Variants in HOGA1 observed in about 807,000 individuals in gnomAD.
The protein encoded by HOGA1 is 4-hydroxy-2-oxoglutarate aldolase 1.
A neutral mutation model predicts 34.3 loss-of-function variants in HOGA1; 30 were observed. The ratio of observed to expected loss-of-function variants is 0.87; its 90% CI spans 0.65 to 1.19. The LOEUF is 1.19. Among genes scored for constraint, HOGA1 ranks in the 50% most tolerant of loss-of-function variants. The pLI is 0.00. For missense variants in HOGA1, 417 were observed against 436.5 expected, an observed-to-expected ratio of 0.96 and a Z score of 0.40; for synonymous variants, 161 against 174.0, an observed-to-expected ratio of 0.93 and a Z score of 0.59.
At chr10:97,598,929 G>T (rs74155508) in intron 2 of HOGA1, 26 bp downstream of exon 2, 1 of 1,612,912 alleles carries the variant, frequency 6.2e-7, no homozygotes. Flanking sequence ...CTGGGCCCTG[G>T]GGGTGGGTGG....
intron 5 of HOGA1, 61 bp downstream of exon 5, chr10:97,600,224 T>C: frequency 7.2e-7 from 1 of 1,397,220 alleles, no homozygotes; most frequent in Non-Finnish European, 1.0e-6. Flanking sequence ...GGTACCTGGG[T>C]CTTCCGGGAG....
intron 1 of HOGA1, among the ~76,000 whole-genome samples, chr10:97,591,678 G>A (rs1209000756): frequency 6.6e-6 from 1 of 151,912 alleles, no homozygotes; most frequent in Admixed American, 6.6e-5. Context: ...AGGCTGGAGT[G>A]CAGAGGCGTG....
At position 97,601,870 on chromosome 10, in the gene HOGA1, C is replaced by G; in HGVS notation, c.714C>G (p.Gly238=). ...MASYALGAVG[G]VCALANVLGA... Reference sequence around the variant, plus strand: ...TACTTCGTGCAGGAGCTGTGGGGGGCGTCTGCGCCCTGGCCAATGTCCTGG... The same window carrying G: ...TACTTCGTGCAGGAGCTGTGGGGGGGGTCTGCGCCCTGGCCAATGTCCTGG... Residue 238 remains glycine, a synonymous_variant, in exon 6 of 7, where the codon GGC becomes GGG. Transcript: ENST00000370646. The G allele has an allele frequency of 6.2e-7, 1 of 1,612,322 alleles. No homozygotes were observed. Among genetic ancestry groups the G allele is most frequent in the Non-Finnish European group, 8.5e-7 (1 of 1,179,994 alleles).
At position 97,600,069 on chromosome 10, in the gene HOGA1, G is replaced by T. The variant is rs1388047905; in HGVS notation, c.606G>T (p.Val202=). ...TCACACCACATTTGCTGTTGCAGGT[G>T]ACCAGGATTGGGCTGATTGTTCACA... ...IVGMKDSGGD[V]TRIGLIVHKT... The change falls in exon 5 of 7, where the codon GTG becomes GTT. Residue 202 remains valine, a splice_region_variant and synonymous_variant. Transcript: ENST00000370646. 1.9e-6 allele frequency: 3 copies of T among 1,613,948 alleles called. No individual in the cohort carries two copies. The highest frequency in any genetic ancestry group is 3.3e-5 in the Admixed American group (2 of 59,994).
chr10:97,593,029 C>CAAAAAAAAAAAAAAAACAAAA (rs2041039410), intron 1 of HOGA1, among the ~76,000 whole-genome samples: 1 of 47,802 alleles, frequency 2.1e-5, no homozygotes. Flanking sequence ...GACTCTGTCT[C>CAAAAAAAAAAAAAAAACAAAA]AAAAAAAAAA....
At chr10:97,599,262 G>C (rs1314981937) in intron 3 of HOGA1, 46 bp downstream of exon 3, 5 of 1,611,464 alleles carry the variant, frequency 3.1e-6, no homozygotes, top group Non-Finnish European at 4.2e-6. Flanking sequence ...CCCAGGGAGA[G>C]GAGATAAGGG....
At chr10:97,590,732 A>G in intron 1 of HOGA1, 1 of 675,294 alleles carries the variant, frequency 1.5e-6, no homozygotes, top group Non-Finnish European at 2.6e-6. Flanking sequence ...CCTCACGGGG[A>G]TTATGGGCTC....
intron 1 of HOGA1, among the ~76,000 whole-genome samples, chr10:97,594,255 A>C (rs920481526): frequency 6.8e-6 from 1 of 146,918 alleles, no homozygotes; most frequent in Non-Finnish European, 1.5e-5. Context: ...GGCTCACTGC[A>C]ACCTCCACCT....
chr10:97,584,423 T>C lies in HOGA1; in HGVS notation c.-281T>C. ...TGGAGATACCGAAGGAGATACTCTT[T>C]AGTATTGGGATCCCAGAAACCAGTC... On this transcript the variant is annotated 5_prime_UTR_variant, in exon 1 of 7. Coordinates refer to ENST00000370646, the MANE Select transcript of HOGA1 (RefSeq NM_138413.4). 2.5e-6 allele frequency: 1 copy of C among 406,248 alleles called. No individual in the cohort carries two copies. The allele number at this position is 406,248 out of a possible 1,614,324, so 25.2% of individuals were successfully genotyped here.
chr10:97,588,158 C>G (rs1245211655), intron 1 of HOGA1, among the ~76,000 whole-genome samples: 1 of 150,154 alleles, frequency 6.7e-6, no homozygotes, highest in Non-Finnish European at 1.5e-5. Context: ...CTAATTTGTA[C>G]TGATTATTTG....
rs370403227 is a variant in HOGA1, at chr10:97,595,960, C to T, written c.212-2815C>T. ...GGTGAAGGAGGGGCTCTTTGGGGTA[C>T]CCACTCACAGATTTCTGGGACATTT... is the stretch of plus-strand genomic sequence containing the variant. On this transcript the variant is annotated intron_variant, in intron 1 of 6. Transcript: ENST00000370646. Among the ~76,000 whole-genome samples, 260 of 152,276 alleles carry T rather than the reference C, an allele frequency of 1.7e-3. 1 individual carries two copies. The highest frequency in any genetic ancestry group is 0.01 in the Middle Eastern group (3 of 294).
chr10:97,595,806 G>A (rs1415902008), intron 1 of HOGA1, among the ~76,000 whole-genome samples: 1 of 152,174 alleles, frequency 6.6e-6, no homozygotes, highest in Non-Finnish European at 1.5e-5. Context: ...CCCCTCTTCT[G>A]TGAGCCCTCT....
intron 1 of HOGA1, among the ~76,000 whole-genome samples, chr10:97,591,298 T>A (rs1441330566): frequency 6.6e-6 from 1 of 152,088 alleles, no homozygotes; most frequent in Non-Finnish European, 1.5e-5. Context: ...ACAAGGCAGT[T>A]CTCTCACCAG....
At position 97,598,710 on chromosome 10, in the gene HOGA1, G is replaced by A. The variant is rs1469937781; in HGVS notation, c.212-65G>A. 5 of 1,593,250 alleles carry A rather than the reference G, an allele frequency of 3.1e-6. No individual in the cohort carries two copies. In the South Asian group the frequency reaches 5.5e-5, roughly 18 times the overall value. On this transcript the variant is annotated intron_variant, in intron 1 of 6. Coordinates refer to ENST00000370646, the MANE Select transcript of HOGA1 (RefSeq NM_138413.4). The stretch of plus-strand genomic sequence containing the variant: ...GAAAGATTATGGTGTCGTAAGGTAG[G>A]AACACCAATGTCCTAGTTGTTCGGT...
At chr10:97,606,508 C>G (rs1397660558) in intron 6 of HOGA1, among the ~76,000 whole-genome samples, 1 of 152,094 alleles carries the variant, frequency 6.6e-6, no homozygotes, top group African/African-American at 2.4e-5. Flanking sequence ...GCTGAAAAGG[C>G]CATCTTTCCT....
chr10:97,601,964 C>T lies in HOGA1; in HGVS notation c.808C>T (p.His270Tyr). 1 of 1,612,828 alleles carries T rather than the reference C, an allele frequency of 6.2e-7. No individual in the cohort carries two copies. Among genetic ancestry groups the T allele is most frequent in the Non-Finnish European group, 8.5e-7 (1 of 1,179,718 alleles). ...ATGGGAAGATGCCCAGAAACTGCAG[C>T]ACCGCCTCATTGAGCCAAACGCTGC... ...GQWEDAQKLQ[H>Y]RLIEPNAAVT... is the part of the protein sequence containing the mutation. Residue 270 changes from histidine (H) to tyrosine (Y), a missense_variant, in exon 6 of 7, where the codon CAC becomes TAC. Physicochemically the swap from His to Tyr is moderately conservative, Grantham distance 83. Transcript: ENST00000370646.
At chr10:97,598,722 C>T in intron 1 of HOGA1, 53 bp from the exon 2 acceptor site, 2 of 1,611,118 alleles carry the variant, frequency 1.2e-6, no homozygotes, top group Non-Finnish European at 8.5e-7. Flanking sequence ...ACACCAATGT[C>T]CTAGTTGTTC....
At position 97,602,043 on chromosome 10, in the gene HOGA1, C is replaced by A. The variant is rs2041123565; in HGVS notation, c.834+53C>A. Reference sequence around the variant, plus strand: ...CTGGCGGGGGGTGGGCAGTCTGTGTCCTCATTGGAGCAGGACCCAGGGCTG... The same window carrying A: ...CTGGCGGGGGGTGGGCAGTCTGTGTACTCATTGGAGCAGGACCCAGGGCTG... On this transcript the variant is annotated intron_variant, in intron 6 of 6. Transcript: ENST00000370646. The A allele has an allele frequency of 8.3e-6, 13 of 1,575,544 alleles. No individual in the cohort carries two copies. In the South Asian group the frequency reaches 1.5e-4, roughly 18 times the overall value.
At chr10:97,602,704 T>C in intron 6 of HOGA1, 4 of 650,108 alleles carry the variant, frequency 6.2e-6, no homozygotes, top group Non-Finnish European at 7.6e-6. Flanking sequence ...TTTCTTTTTT[T>C]AGACAGAGTC....
Sources: allele counts gnomAD v4.1 joint callset (sites outside exome capture counted in the v4.1 genomes callset), GRCh38; gene constraint gnomAD v4.1.1; transcripts MANE v1.5; gene names NCBI Gene and HGNC (gene_info 2026-07-23, HGNC 2026-07-21).